The following PUS10 variants were observed in gnomAD, a reference collection of about 807,000 sequenced individuals.
PUS10 encodes the protein pseudouridine synthase 10.
PUS10 carries 59 observed loss-of-function variants against 75.0 expected under a neutral mutation model. The ratio of observed to expected loss-of-function variants is 0.79; its 90% CI spans 0.64 to 0.98. The LOEUF (loss-of-function observed/expected upper bound fraction) is 0.98. PUS10 is among the 50% of genes least tolerant of loss of function. The pLI, the probability that PUS10 is intolerant of heterozygous loss-of-function variation, is 0.00. For missense variants in PUS10, 650 were observed against 614.4 expected (o/e 1.06, Z -0.61); for synonymous variants, 219 against 211.6 (o/e 1.03, Z -0.30).
At position 60,961,434 on chromosome 2, in the gene PUS10, G is replaced by T. The variant is rs764321922; in HGVS notation, c.874+29C>A. 21 of 1,516,686 alleles carry T rather than the reference G, an allele frequency of 1.4e-5. No individual in the cohort carries two copies. The African/African-American group carries it at 2.6e-4, about 19-fold the overall frequency. The allele number at this position is 1,516,686 out of a possible 1,614,324, so 94.0% of individuals were successfully genotyped here. A position where few individuals can be genotyped will look rare whatever the true frequency, so the allele number is the denominator to read the frequency against. On this transcript the variant is annotated intron_variant, in intron 10 of 17. Coordinates refer to ENST00000316752, the MANE Select transcript of PUS10 (RefSeq NM_144709.4). ...TTAGAAAGGAGAGTACGTTCACAGTGTATGTATATTCTAGACTAAATATTT... is the reference window on the plus strand; with the variant it reads ...TTAGAAAGGAGAGTACGTTCACAGTTTATGTATATTCTAGACTAAATATTT...
rs141648067 is a variant in PUS10, at chr2:60,948,779, G to A, written c.1309-594C>T. 4.0e-3 allele frequency among the ~76,000 whole-genome samples: 609 copies of A among 152,186 alleles called. 7 individuals are homozygous for A. Among genetic ancestry groups the A allele is most frequent in the African/African-American group, 0.014 (582 of 41,522 alleles). On this transcript the variant is annotated intron_variant, in intron 15 of 17. Coordinates refer to ENST00000316752, the MANE Select transcript of PUS10 (RefSeq NM_144709.4). ...CTTTTTACATTTCAGATTTTTTAGG[G>A]ACACAGGCTTGTTTTTCTCACAATT... is the stretch of plus-strand genomic sequence containing the variant.
chr2:60,953,120 CA>C lies in PUS10; in HGVS notation c.1191-7del. On this transcript the variant is annotated splice_region_variant and splice_polypyrimidine_tract_variant and intron_variant, in intron 14 of 17. Transcript: ENST00000316752. ...TCATATGTCCTATTGCCTCTCTAAA[CA>C]AAAACAATTTTTAGAAGTTTGTCCA... 6.8e-7 allele frequency: 1 copy of C among 1,461,072 alleles called. No individual in the cohort carries two copies. The highest frequency in any genetic ancestry group is 1.2e-5 in the South Asian group (1 of 83,210). 90.5% of individuals were successfully genotyped at this position (1,461,072 alleles called of 1,614,324 possible).
At chr2:60,963,031 C>T in intron 8 of PUS10, 141 bp from the exon 9 acceptor site, 1 of 1,361,514 alleles carries the variant, frequency 7.3e-7, no homozygotes, top group Non-Finnish European at 9.4e-7. Context: ...AATACTTAAG[C>T]ATTTCAAGAA....
At chr2:60,954,952 C>A in intron 12 of PUS10, 66 bp downstream of exon 12, 1 of 1,082,482 alleles carries the variant, frequency 9.2e-7, no homozygotes, top group Non-Finnish European at 1.3e-6. Flanking sequence ...TATGCTAAGC[C>A]TGCTGTCTAG....
At chr2:60,991,648 A>C (rs1678085281) in intron 4 of PUS10, among the ~76,000 whole-genome samples, 1 of 152,098 alleles carries the variant, frequency 6.6e-6, no homozygotes, top group Admixed American at 6.6e-5. Context: ...TAGAAATGGG[A>C]GTACCAATTT....
At chr2:60,949,724 C>T (rs1675219190) in intron 15 of PUS10, among the ~76,000 whole-genome samples, 1 of 152,192 alleles carries the variant, frequency 6.6e-6, no homozygotes, top group South Asian at 2.1e-4. Flanking sequence ...CATCAGTCTA[C>T]TTAGGCTATG....
chr2:60,956,455 G>C (rs1181919698), intron 11 of PUS10, among the ~76,000 whole-genome samples: 1 of 152,200 alleles, frequency 6.6e-6, no homozygotes, highest in Non-Finnish European at 1.5e-5. Flanking sequence ...GACTGAACAA[G>C]AACCTGTGAC....
intron 9 of PUS10, among the ~76,000 whole-genome samples, chr2:60,961,870 G>A (rs1410709234): frequency 6.6e-6 from 1 of 152,220 alleles, no homozygotes; most frequent in Admixed American, 6.5e-5. Flanking sequence ...CATAGGAAGT[G>A]GAAGCCCCTT....
chr2:60,972,958 C>A (rs963064220), intron 4 of PUS10, among the ~76,000 whole-genome samples: 2 of 152,228 alleles, frequency 1.3e-5, no homozygotes, highest in Non-Finnish European at 2.9e-5. Context: ...GTAGCTGCTG[C>A]CATCAAGCCT....
chr2:60,965,861 CA>C (rs745358726), intron 6 of PUS10: 1 of 160,520 alleles, frequency 6.2e-6, no homozygotes, highest in Non-Finnish European at 1.4e-5. Flanking sequence ...ATTAGCAAGG[CA>C]AAAAACATAC....
chr2:60,967,299 T>C (rs1186974069), intron 6 of PUS10: 3 of 422,726 alleles, frequency 7.1e-6, no homozygotes, highest in African/African-American at 6.4e-5. Flanking sequence ...TCTTAGATCA[T>C]AAAGAAGTCT....
At chr2:60,943,807 G>A (rs755230353) in intron 17 of PUS10, among the ~76,000 whole-genome samples, 67 of 151,444 alleles carry the variant, frequency 4.4e-4, no homozygotes, top group Admixed American at 3.3e-4. Flanking sequence ...GGGGAGGCAA[G>A]TTGTAGTGCT....
chr2:61,017,774 G>T, intron 1 of PUS10: 2 of 1,549,786 alleles, frequency 1.3e-6, no homozygotes, highest in South Asian at 1.2e-5. Flanking sequence ...CGTCCCAGCC[G>T]CCACCTCCCC....
At chr2:60,985,948 A>G (rs897412345) in intron 4 of PUS10, among the ~76,000 whole-genome samples, 5 of 151,560 alleles carry the variant, frequency 3.3e-5, no homozygotes, top group Non-Finnish European at 7.4e-5. Context: ...CAAAAAAAAA[A>G]AAAAAAAAAA....
intron 4 of PUS10, among the ~76,000 whole-genome samples, chr2:60,985,429 C>G (rs1677659595): frequency 6.6e-6 from 1 of 152,052 alleles, no homozygotes; most frequent in Non-Finnish European, 1.5e-5. Flanking sequence ...TAAATTTTTA[C>G]TTTTGAAAAA....
At chr2:61,015,633 A>G (rs915469011) in intron 1 of PUS10, among the ~76,000 whole-genome samples, 3 of 152,226 alleles carry the variant, frequency 2.0e-5, no homozygotes, top group Non-Finnish European at 2.9e-5. Context: ...CAGGAGGCAG[A>G]GGTTGCAGAG....
chr2:61,012,581 T>C (rs1181784738), intron 1 of PUS10, among the ~76,000 whole-genome samples: 2 of 150,914 alleles, frequency 1.3e-5, no homozygotes, highest in Non-Finnish European at 3.0e-5. Flanking sequence ...AATCCCAGCA[T>C]TTTGGGAGGC....
intron 4 of PUS10, among the ~76,000 whole-genome samples, chr2:60,983,005 A>C (rs1300387393): frequency 1.3e-5 from 2 of 152,058 alleles, no homozygotes; most frequent in Non-Finnish European, 2.9e-5. Flanking sequence ...TTTATCAGAC[A>C]AAAATATAGT....
intron 17 of PUS10, 38 bp downstream of exon 17, chr2:60,944,971 C>A: frequency 6.8e-7 from 1 of 1,478,950 alleles, no homozygotes; most frequent in South Asian, 1.1e-5. Flanking sequence ...TGGTTGAATT[C>A]AATTTGCCAA....
Sources: gnomAD v4.1 joint callset for allele counts (sites outside exome capture counted in the v4.1 genomes callset) on GRCh38, gnomAD v4.1.1 for gene constraint, MANE v1.5 for transcripts, NCBI Gene and HGNC (gene_info 2026-07-23, HGNC 2026-07-21) for gene names.